TFDP2: variants seen among roughly 807,000 people sequenced by gnomAD.
TFDP2 encodes the protein transcription factor Dp-2.
Under a neutral mutation model 59.3 loss-of-function variants are expected in TFDP2, and 17 were observed. The observed-to-expected ratio is 0.29, with a 90% CI of 0.20 to 0.43. TFDP2 has a LOEUF of 0.43. TFDP2 is among the 20% of genes least tolerant of loss of function. The pLI, the probability that TFDP2 is intolerant of heterozygous loss-of-function variation, is 1.00. For synonymous variants in TFDP2, 180 were observed against 194.7 expected, an observed-to-expected ratio of 0.92 and a Z score of 0.63; for missense variants, 391 against 528.8, an observed-to-expected ratio of 0.74 and a Z score of 2.56.
chr3:142,003,637 C>T (rs1363913142), intron 4 of TFDP2, among the ~76,000 whole-genome samples: 2 of 152,182 alleles, frequency 1.3e-5, no homozygotes, highest in African/African-American at 2.4e-5. Flanking sequence ...TGCCCAAGAA[C>T]TCAGAACTGA....
intron 3 of TFDP2, among the ~76,000 whole-genome samples, chr3:142,012,019 T>C (rs897263977): frequency 2.0e-5 from 3 of 150,186 alleles, no homozygotes; most frequent in African/African-American, 4.9e-5. Flanking sequence ...TTCTTTCTTT[T>C]TTTTTTTTTT....
At chr3:141,975,891 AT>A (rs1383205829) in intron 7 of TFDP2, among the ~76,000 whole-genome samples, 2 of 151,606 alleles carry the variant, frequency 1.3e-5, no homozygotes, top group Non-Finnish European at 2.9e-5. Context: ...AAAAACAACT[AT>A]TTTTCCGAGA....
chr3:142,016,226 C>T (rs1167280816), intron 3 of TFDP2, among the ~76,000 whole-genome samples: 1 of 151,514 alleles, frequency 6.6e-6, no homozygotes, highest in Non-Finnish European at 1.5e-5. Flanking sequence ...TGGTCTCAAA[C>T]TCCTGATCTC....
rs1209802545 is a variant in TFDP2 at position 141,950,544 on chromosome 3, A to G, written c.*1969T>C. On this transcript the variant is annotated 3_prime_UTR_variant, in exon 13 of 13. Coordinates refer to ENST00000489671, the MANE Select transcript of TFDP2 (RefSeq NM_001178139.2). ...GTTGCTACTTGGTGAAGGAATGGTT[A>G]TCATTAGTGCACCTGTCTTAAATCC... The G allele has an allele frequency of 2.0e-5, 3 of 152,776 alleles. No homozygotes were observed. The highest frequency in any genetic ancestry group is 2.0e-4 in the Admixed American group (3 of 15,296). 9.5% of individuals were successfully genotyped at this position (152,776 alleles called of 1,614,324 possible). A position where few individuals can be genotyped will look rare whatever the true frequency, so the allele number is the denominator to read the frequency against.
chr3:142,038,421 A>T (rs1235861922), intron 3 of TFDP2, among the ~76,000 whole-genome samples: 1 of 151,412 alleles, frequency 6.6e-6, no homozygotes, highest in African/African-American at 2.4e-5. Flanking sequence ...AATAAGTAGA[A>T]ATACTGTAGA....
At chr3:142,107,724 C>G (rs2061521858) in intron 1 of TFDP2, among the ~76,000 whole-genome samples, 1 of 152,080 alleles carries the variant, frequency 6.6e-6, no homozygotes, top group African/African-American at 2.4e-5. Context: ...TCCCAGTTAA[C>G]CAACTGTACA....
intron 9 of TFDP2, among the ~76,000 whole-genome samples, chr3:141,964,905 A>T (rs1937714017): frequency 6.6e-6 from 1 of 152,052 alleles, no homozygotes; most frequent in African/African-American, 2.4e-5. Context: ...CAAGGCCTAA[A>T]TTTTTTTACT....
intron 9 of TFDP2, among the ~76,000 whole-genome samples, chr3:141,968,401 ATCATATATATAACATATATATC>A (rs1938568908): frequency 9.1e-6 from 1 of 109,620 alleles, no homozygotes; most frequent in South Asian, 2.5e-4. Context: ...TAACATATAT[ATCATATATATAACATATATATC>A]TCATATATAG....
chr3:142,030,860 A>G (rs1229378202), intron 3 of TFDP2, among the ~76,000 whole-genome samples: 2 of 146,534 alleles, frequency 1.4e-5, no homozygotes, highest in African/African-American at 5.1e-5. Flanking sequence ...CTCCTGCCTC[A>G]GCCTCCCAAG....
intron 3 of TFDP2, among the ~76,000 whole-genome samples, chr3:142,052,366 C>CAT (rs1947677000): frequency 9.6e-6 from 1 of 103,874 alleles, no homozygotes; most frequent in Non-Finnish European, 2.0e-5. Flanking sequence ...TGAAACCCTG[C>CAT]CTCTACTAAA....
At chr3:142,100,792 G>A (rs1311528599) in intron 2 of TFDP2, among the ~76,000 whole-genome samples, 1 of 152,108 alleles carries the variant, frequency 6.6e-6, no homozygotes, top group Non-Finnish European at 1.5e-5. Context: ...AAGATGATTT[G>A]GACAGACAGA....
chr3:142,091,284 A>AT (rs1341288223), intron 3 of TFDP2, among the ~76,000 whole-genome samples: 2 of 152,220 alleles, frequency 1.3e-5, no homozygotes, highest in Non-Finnish European at 2.9e-5. Context: ...AAATGGCCTC[A>AT]TAATACATAC....
chr3:141,995,126 G>C lies in TFDP2; in HGVS notation c.202C>G (p.Gln68Glu). Residue 68 changes from glutamine to glutamate, a missense_variant, in exon 5 of 13, where the codon CAG (glutamine) becomes GAG (glutamate). This residue lies in a region of TFDP2 where 162 missense variants were observed against 206.8 expected (regional missense o/e 0.78). Coordinates refer to ENST00000489671, the MANE Select transcript of TFDP2 (RefSeq NM_001178139.2). Reference sequence around the variant, plus strand: ...ACACTTCCTGAACTGGTTAGTCTCTGTGGTGTGCTTATAATCTGTAAAGTT... The same window carrying C: ...ACACTTCCTGAACTGGTTAGTCTCTCTGGTGTGCTTATAATCTGTAAAGTT... ...VGPQMIISTP[Q>E]RLTSSGSVLI... 6.3e-7 allele frequency: 1 copy of C among 1,599,982 alleles called. No homozygotes were observed. Among genetic ancestry groups the C allele is most frequent in the South Asian group, 1.1e-5 (1 of 87,370 alleles).
chr3:142,098,842 G>C (rs962116233), intron 2 of TFDP2, among the ~76,000 whole-genome samples: 1 of 152,296 alleles, frequency 6.6e-6, no homozygotes, highest in African/African-American at 2.4e-5. Context: ...GAAGAAGACA[G>C]ACCCCTGACA....
chr3:142,062,346 C>T (rs947632533), intron 3 of TFDP2, among the ~76,000 whole-genome samples: 2 of 149,786 alleles, frequency 1.3e-5, no homozygotes, highest in Middle Eastern at 3.3e-3. Context: ...CCAACCACTG[C>T]GTTGTTCAAG....
At chr3:141,986,015 G>A (rs1040820626) in intron 6 of TFDP2, among the ~76,000 whole-genome samples, 4 of 152,288 alleles carry the variant, frequency 2.6e-5, no homozygotes, top group African/African-American at 7.2e-5. Flanking sequence ...AATGTAAAAC[G>A]GTACAGCCAC....
chr3:142,015,317 C>T (rs1255564832), intron 3 of TFDP2, among the ~76,000 whole-genome samples: 1 of 152,204 alleles, frequency 6.6e-6, no homozygotes, highest in Non-Finnish European at 1.5e-5. Context: ...TTTGGATTCA[C>T]ATATCCACTA....
chr3:141,976,410 G>GA (rs945488075), intron 7 of TFDP2, among the ~76,000 whole-genome samples: 1 of 152,088 alleles, frequency 6.6e-6, no homozygotes, highest in Admixed American at 6.6e-5. Flanking sequence ...TGAATAAAGA[G>GA]AAAAAAACTC....
At chr3:141,990,590 G>C (rs1264935561) in intron 6 of TFDP2, among the ~76,000 whole-genome samples, 7 of 152,114 alleles carry the variant, frequency 4.6e-5, no homozygotes, top group Admixed American at 4.6e-4. Context: ...CTTTGATAAA[G>C]AATGCTTCCT....
Sources: allele counts gnomAD v4.1 joint callset (sites outside exome capture counted in the v4.1 genomes callset), GRCh38; gene constraint gnomAD v4.1.1; regional missense constraint gnomAD v4.1.1; transcripts MANE v1.5; gene names NCBI Gene and HGNC (gene_info 2026-07-23, HGNC 2026-07-21).